Variants in BARX2 observed in about 807,000 individuals in gnomAD.
BARX2 encodes the protein BARX homeobox 2.
Under a neutral mutation model 25.5 loss-of-function variants are expected in BARX2, and 11 were observed. That is an observed-to-expected ratio of 0.43 (90% CI 0.27 to 0.71). The LOEUF (loss-of-function observed/expected upper bound fraction) is 0.71. Ranked by LOEUF, BARX2 falls within the 30% of genes least tolerant of loss-of-function variation. BARX2 has a pLI of 0.19. For missense variants in BARX2, 360 were observed against 359.9 expected, an observed-to-expected ratio of 1.00 and a Z score of 0.00; for synonymous variants, 137 against 149.5, an observed-to-expected ratio of 0.92 and a Z score of 0.61.
chr11:129,376,101 C>G lies in BARX2; in HGVS notation c.66C>G (p.Tyr22Ter). The G allele has an allele frequency of 1.2e-6, 2 of 1,612,866 alleles. No homozygotes were observed. The highest frequency in any genetic ancestry group is 1.7e-6 in the Non-Finnish European group (2 of 1,179,514). ...PGQLKAARRR[Y>*]KTFMIDEILS... ...AGCTCAAAGCAGCCAGGCGGCGCTACAAGACTTTCATGATCGACGAGATCC... is the reference window on the plus strand; with the variant it reads ...AGCTCAAAGCAGCCAGGCGGCGCTAGAAGACTTTCATGATCGACGAGATCC... Residue 22 changes from tyrosine (Y) to a stop codon, truncating the protein, a stop_gained, in exon 1 of 4, where the codon TAC (tyrosine) becomes TAG (stop). Transcript: ENST00000281437. LOFTEE classifies it high-confidence loss of function. The surrounding 1 kb of genome is among the most constrained non-coding windows in gnomAD (Gnocchi z 4.2).
intron 1 of BARX2, among the ~76,000 whole-genome samples, chr11:129,412,129 G>A (rs535899727): frequency 2.2e-4 from 33 of 152,118 alleles, no homozygotes; most frequent in African/African-American, 4.8e-4. Flanking sequence ...AAAGTTAGCC[G>A]GGCATGGTGG....
At chr11:129,442,996 G>A (rs545281008) in intron 3 of BARX2, 77 bp downstream of exon 3, 78 of 1,349,164 alleles carry the variant, frequency 5.8e-5, no homozygotes, top group African/African-American at 4.6e-4. Flanking sequence ...GAGGGAGGCC[G>A]GACCATTTGG....
In BARX2 at chr11:129,451,487, GCAGCCCA is replaced by G; in HGVS notation, c.*86_*92del. The stretch of plus-strand genomic sequence containing the variant: ...GAGAGTAGGGAGAGAAAACCTTCCA[GCAGCCCA>G]GTAAACTGCGGGCGAAGAGATCTAC... On this transcript the variant is annotated 3_prime_UTR_variant, in exon 4 of 4. Coordinates refer to ENST00000281437, the MANE Select transcript of BARX2 (RefSeq NM_003658.5). 6.8e-7 allele frequency: 1 copy of G among 1,478,208 alleles called. No individual in the cohort carries two copies. The highest frequency in any genetic ancestry group is 2.4e-5 in the East Asian group (1 of 40,886). 91.6% of individuals were successfully genotyped at this position (1,478,208 alleles called of 1,614,324 possible). A position where few individuals can be genotyped will look rare whatever the true frequency, so the allele number is the denominator to read the frequency against.
chr11:129,427,022 G>A (rs1192663481), intron 1 of BARX2, among the ~76,000 whole-genome samples: 1 of 152,156 alleles, frequency 6.6e-6, no homozygotes, highest in African/African-American at 2.4e-5. Flanking sequence ...GCATGTGAAT[G>A]CACAGATGAT....
intron 1 of BARX2, among the ~76,000 whole-genome samples, chr11:129,419,982 T>C (rs1861986216): frequency 6.6e-6 from 1 of 152,004 alleles, no homozygotes; most frequent in South Asian, 2.1e-4. Context: ...GGTCTCACCA[T>C]GTTGGCCAGG....
chr11:129,416,994 C>T lies in BARX2; in HGVS notation c.188-19757C>T, dbSNP rs188116955. On this transcript the variant is annotated intron_variant, in intron 1 of 3. Coordinates refer to ENST00000281437, the MANE Select transcript of BARX2 (RefSeq NM_003658.5). The stretch of plus-strand genomic sequence containing the variant: ...TCAGCTCACTGCAAGCTCCGCCTCC[C>T]GGGTTCACGCCATTCTCCTGCCTCA... 3.5e-3 allele frequency among the ~76,000 whole-genome samples: 537 copies of T among 151,932 alleles called. 3 individuals carry two copies. Among genetic ancestry groups the T allele is most frequent in the African/African-American group, 0.012 (498 of 41,414 alleles).
intron 1 of BARX2, among the ~76,000 whole-genome samples, chr11:129,404,199 T>C (rs2135394568): frequency 6.6e-6 from 1 of 152,374 alleles, no homozygotes; most frequent in Middle Eastern, 3.4e-3. Context: ...GTCACGGTTC[T>C]GAATGACGTT....
At chr11:129,426,303 C>T (rs1862061930) in intron 1 of BARX2, among the ~76,000 whole-genome samples, 1 of 152,116 alleles carries the variant, frequency 6.6e-6, no homozygotes, top group Non-Finnish European at 1.5e-5. Flanking sequence ...CAACACTCAG[C>T]TCGCTCTCAG....
At chr11:129,378,480 T>C (rs1861526777) in intron 1 of BARX2, among the ~76,000 whole-genome samples, 1 of 152,086 alleles carries the variant, frequency 6.6e-6, no homozygotes, top group Non-Finnish European at 1.5e-5. Context: ...AATGTAATCT[T>C]TTTTCTTATT....
At chr11:129,406,939 T>C (rs1861836582) in intron 1 of BARX2, among the ~76,000 whole-genome samples, 1 of 152,204 alleles carries the variant, frequency 6.6e-6, no homozygotes, top group Admixed American at 6.5e-5. Flanking sequence ...ATCCAACCCA[T>C]GGAGTTGGAA....
At chr11:129,440,976 A>G (rs1862250856) in intron 2 of BARX2, among the ~76,000 whole-genome samples, 1 of 152,180 alleles carries the variant, frequency 6.6e-6, no homozygotes, top group South Asian at 2.1e-4. Context: ...TTCGAAGTCC[A>G]CACTGCTTTG....
chr11:129,437,646 G>C (rs759149751), intron 2 of BARX2: 23 of 322,000 alleles, frequency 7.1e-5, no homozygotes, highest in Non-Finnish European at 9.8e-5. Context: ...ATCCATGTTG[G>C]GGAGGCTGTG....
chr11:129,447,238 C>G (rs1862341739), intron 3 of BARX2, among the ~76,000 whole-genome samples: 2 of 152,128 alleles, frequency 1.3e-5, no homozygotes, highest in South Asian at 4.1e-4. Flanking sequence ...ACCCAGGCTG[C>G]TTGGAGGGAA....
At chr11:129,403,872 G>C (rs1488041130) in intron 1 of BARX2, among the ~76,000 whole-genome samples, 8 of 152,058 alleles carry the variant, frequency 5.3e-5, no homozygotes, top group African/African-American at 1.9e-4. Context: ...CTACAGATGT[G>C]TGCTGCCATG....
Position 129,444,607 on chromosome 11 carries a change from G to T in BARX2, c.573+1688G>T, listed in dbSNP as rs983417766. Among the ~76,000 whole-genome samples, 4 of 152,208 alleles carry T rather than the reference G, an allele frequency of 2.6e-5. No individual in the cohort carries two copies. The South Asian group carries it at 6.2e-4, about 24-fold the overall frequency. On this transcript the variant is annotated intron_variant, in intron 3 of 3. Transcript: ENST00000281437. ...TCAGAGAAACAAGGCCCAGGAGGTA[G>T]CTGCCGAGCATGTTATAATTAAGTG...
intron 3 of BARX2, among the ~76,000 whole-genome samples, chr11:129,445,206 G>A (rs150698147): frequency 1.1e-4 from 16 of 152,256 alleles, no homozygotes; most frequent in African/African-American, 3.9e-4. Context: ...GCCCTTCCCT[G>A]GCTGATTTTG....
At chr11:129,450,481 C>T (rs1349010028) in intron 3 of BARX2, among the ~76,000 whole-genome samples, 1 of 152,154 alleles carries the variant, frequency 6.6e-6, no homozygotes, top group Non-Finnish European at 1.5e-5. Context: ...TAAACATTCT[C>T]CTATATAGTA....
intron 1 of BARX2, among the ~76,000 whole-genome samples, chr11:129,422,790 A>G (rs143848994): frequency 0.029 from 4,346 of 148,070 alleles, 202 homozygotes; most frequent in African/African-American, 0.1. Flanking sequence ...GGAAACCTCT[A>G]CCTCCCAGGT....
At chr11:129,394,078 C>A (rs1416848965) in intron 1 of BARX2, among the ~76,000 whole-genome samples, 1 of 152,182 alleles carries the variant, frequency 6.6e-6, no homozygotes, top group Non-Finnish European at 1.5e-5. Flanking sequence ...TGTAGTTTTG[C>A]CATGTGTTAT....
Sources: gnomAD v4.1 joint callset for allele counts (sites outside exome capture counted in the v4.1 genomes callset) on GRCh38, gnomAD v4.1.1 for gene constraint, Gnocchi (gnomAD v3.1) non-coding constraint, MANE v1.5 for transcripts, NCBI Gene and HGNC (gene_info 2026-07-23, HGNC 2026-07-21) for gene names.